SPOCK1: variants seen among roughly 807,000 people sequenced by gnomAD.
SPOCK1 encodes the protein SPARC (osteonectin), cwcv and kazal like domains proteoglycan 1, also known as testican-1.
A neutral mutation model predicts 55.3 loss-of-function variants in SPOCK1; 23 were observed. The ratio of observed to expected loss-of-function variants is 0.42; its 90% confidence interval spans 0.30 to 0.59. The LOEUF is 0.59. SPOCK1 is among the 20% of genes least tolerant of loss of function. SPOCK1 has a pLI of 0.22. For synonymous variants in SPOCK1, 226 were observed against 221.0 expected (o/e 1.02, Z -0.20); for missense variants, 499 against 552.5 (o/e 0.90, Z 0.97).
At chr5:137,181,984 A>G (rs150591827) in intron 3 of SPOCK1, among the ~76,000 whole-genome samples, 30 of 152,348 alleles carry the variant, frequency 2.0e-4, no homozygotes, top group African/African-American at 7.2e-4. Flanking sequence ...AAAAAGGGAC[A>G]TGAAGACAAC....
intron 2 of SPOCK1, among the ~76,000 whole-genome samples, chr5:137,422,491 T>A (rs1042905917): frequency 3.3e-5 from 5 of 152,350 alleles, no homozygotes; most frequent in Middle Eastern, 3.4e-3. Context: ...TTTCTTTTTA[T>A]TCTTTTTTCT....
chr5:136,979,572 C>T (rs1273261934), intron 9 of SPOCK1, 103 bp from the exon 10 acceptor site: 4 of 1,438,896 alleles, frequency 2.8e-6, no homozygotes, highest in Non-Finnish European at 3.8e-6. Context: ...AGAATATCTG[C>T]TGCAGGGTCA....
At chr5:137,123,612 T>C (rs974456801) in intron 4 of SPOCK1, among the ~76,000 whole-genome samples, 2 of 152,112 alleles carry the variant, frequency 1.3e-5, no homozygotes, top group African/African-American at 2.4e-5. Context: ...CTAGACCGTG[T>C]TGAAGTTATC....
chr5:137,182,053 T>C (rs1055356190), intron 3 of SPOCK1, among the ~76,000 whole-genome samples: 2 of 152,216 alleles, frequency 1.3e-5, no homozygotes, highest in Non-Finnish European at 2.9e-5. Flanking sequence ...GGTTGATCAA[T>C]GCACAGCTAA....
intron 2 of SPOCK1, among the ~76,000 whole-genome samples, chr5:137,357,958 G>C (rs892262460): frequency 6.6e-6 from 1 of 151,864 alleles, no homozygotes; most frequent in African/African-American, 2.4e-5. Context: ...TCATTGCCAG[G>C]CTCACTTCAC....
At chr5:137,454,249 C>A (rs1173522042) in intron 2 of SPOCK1, among the ~76,000 whole-genome samples, 1 of 152,072 alleles carries the variant, frequency 6.6e-6, no homozygotes, top group Non-Finnish European at 1.5e-5. Context: ...CAACAACAGA[C>A]AGAAAGCCAG....
chr5:137,387,360 C>A (rs1751618080), intron 2 of SPOCK1, among the ~76,000 whole-genome samples: 1 of 152,208 alleles, frequency 6.6e-6, no homozygotes, highest in Admixed American at 6.5e-5. Flanking sequence ...ATGTTTACAG[C>A]AGCTTTATTC....
At chr5:137,383,526 G>C (rs906754403) in intron 2 of SPOCK1, among the ~76,000 whole-genome samples, 1 of 152,142 alleles carries the variant, frequency 6.6e-6, no homozygotes, top group Non-Finnish European at 1.5e-5. Context: ...TGTGTGAAAG[G>C]CTGACCTTGC....
intron 2 of SPOCK1, among the ~76,000 whole-genome samples, chr5:137,462,565 A>G (rs1016257533): frequency 6.6e-6 from 1 of 152,172 alleles, no homozygotes; most frequent in Admixed American, 6.5e-5. Flanking sequence ...AGGGCAAGTT[A>G]TCTTGCCTGT....
At chr5:137,234,080 G>A (rs751692190) in intron 3 of SPOCK1, among the ~76,000 whole-genome samples, 2 of 152,176 alleles carry the variant, frequency 1.3e-5, no homozygotes, top group Non-Finnish European at 2.9e-5. Flanking sequence ...CCCTCTGCCA[G>A]TGTCCCCAGC....
At chr5:137,384,190 A>G (rs1347663948) in intron 2 of SPOCK1, among the ~76,000 whole-genome samples, 1 of 152,214 alleles carries the variant, frequency 6.6e-6, no homozygotes, top group Non-Finnish European at 1.5e-5. Context: ...TGTATACAGG[A>G]GGCAGATGGG....
intron 3 of SPOCK1, among the ~76,000 whole-genome samples, chr5:137,154,368 G>A (rs1258657210): frequency 6.6e-6 from 1 of 152,170 alleles, no homozygotes; most frequent in African/African-American, 2.4e-5. Flanking sequence ...CTCTAAGGAG[G>A]TGACATTTAA....
chr5:137,374,648 G>A (rs1301714802), intron 2 of SPOCK1, among the ~76,000 whole-genome samples: 1 of 152,128 alleles, frequency 6.6e-6, no homozygotes, highest in Non-Finnish European at 1.5e-5. Flanking sequence ...TGCAGAAAAT[G>A]ACACTGACTA....
chr5:137,122,010 A>G (rs1753695231), intron 4 of SPOCK1, among the ~76,000 whole-genome samples: 2 of 151,176 alleles, frequency 1.3e-5, no homozygotes. Flanking sequence ...CATTAAACTC[A>G]CAATATCCTC....
intron 6 of SPOCK1, among the ~76,000 whole-genome samples, chr5:137,033,157 G>A (rs907689359): frequency 2.0e-5 from 3 of 152,150 alleles, no homozygotes; most frequent in Non-Finnish European, 2.9e-5. Context: ...GAACTCCCTC[G>A]TGGCGGCCGA....
chr5:137,192,232 C>CAAAAAAAA (rs60401497), intron 3 of SPOCK1, among the ~76,000 whole-genome samples: 7 of 68,242 alleles, frequency 1.0e-4, no homozygotes, highest in Non-Finnish European at 1.7e-4. Context: ...GACTCTGTCT[C>CAAAAAAAA]AAAAAAAAAA....
chr5:137,147,987 G>A (rs1018616442), intron 3 of SPOCK1, among the ~76,000 whole-genome samples: 5 of 152,160 alleles, frequency 3.3e-5, no homozygotes, highest in Non-Finnish European at 5.9e-5. Context: ...CCAGTACTCA[G>A]AACCAGACCT....
At chr5:137,453,685 T>G (rs1346000515) in intron 2 of SPOCK1, among the ~76,000 whole-genome samples, 1 of 152,180 alleles carries the variant, frequency 6.6e-6, no homozygotes, top group Non-Finnish European at 1.5e-5. Flanking sequence ...CCACGGACAG[T>G]TCCAATTAGC....
At chr5:137,296,231 A>C (rs546729761) in intron 2 of SPOCK1, among the ~76,000 whole-genome samples, 1 of 152,142 alleles carries the variant, frequency 6.6e-6, no homozygotes, top group African/African-American at 2.4e-5. Flanking sequence ...CAAGCCACCC[A>C]ACATATGGTA....
Sources: gnomAD v4.1 joint callset for allele counts (sites outside exome capture counted in the v4.1 genomes callset) on GRCh38, gnomAD v4.1.1 for gene constraint, MANE v1.5 for transcripts, NCBI Gene and HGNC (gene_info 2026-07-23, HGNC 2026-07-21) for gene names.